Variants in FEM1B observed in about 807,000 individuals in gnomAD.
The protein encoded by FEM1B is fem-1 homolog B.
In FEM1B, 10 loss-of-function variants were observed where a neutral mutation model predicts 38.6. The ratio of observed to expected loss-of-function variants is 0.26; its 90% CI spans 0.16 to 0.44. FEM1B has a LOEUF of 0.44. FEM1B is among the 20% of genes least tolerant of loss of function. The pLI is 1.00. For missense variants in FEM1B, 471 were observed against 786.7 expected (o/e 0.60, Z 4.80); for synonymous variants, 288 against 288.0 (o/e 1.00, Z 0.00).
intron 1 of FEM1B, among the ~76,000 whole-genome samples, chr15:68,279,800 A>G (rs1000968046): frequency 4.6e-5 from 7 of 152,216 alleles, no homozygotes; most frequent in Non-Finnish European, 8.8e-5. Flanking sequence ...ATAGCATTAC[A>G]TCTTAATGAA....
At chr15:68,287,592 G>T (rs1172887613) in intron 1 of FEM1B, among the ~76,000 whole-genome samples, 1 of 152,168 alleles carries the variant, frequency 6.6e-6, no homozygotes, top group East Asian at 1.9e-4. Context: ...GTTAACTGGG[G>T]TTAAACCATG....
At position 68,289,247 on chromosome 15, in the gene FEM1B, G is replaced by C; in HGVS notation, c.249-360G>C. 5.1e-6 allele frequency: 1 copy of C among 197,738 alleles called. No homozygotes were observed. The highest frequency in any genetic ancestry group is 1.0e-5 in the Non-Finnish European group (1 of 95,354). 12.2% of individuals were successfully genotyped at this position (197,738 alleles called of 1,614,324 possible). ...GGCTACTGGGAAGGAGGAACATGCT[G>C]TTCTCCTAGTAACCAGTGAATCAAC... On this transcript the variant is annotated intron_variant, in intron 1 of 1. Transcript: ENST00000306917. The surrounding 1 kb of genome is among the most constrained non-coding windows in gnomAD (Gnocchi z 6.9).
chr15:68,291,210 A>C lies in FEM1B; in HGVS notation c.1852A>C (p.Arg618=), dbSNP rs901025218. The C allele has an allele frequency of 4.4e-6, 7 of 1,605,822 alleles. No homozygotes were observed. The Admixed American group carries it at 5.2e-5, about 12-fold the overall frequency. Residue 618 remains arginine (R), a synonymous_variant, in exon 2 of 2, where the codon AGA becomes CGA. Transcript: ENST00000306917. The surrounding 1 kb of genome is among the most constrained non-coding windows in gnomAD (Gnocchi z 6.9). The part of the protein sequence containing the change: ...NDINYQDQIP[R]TLEEFVGFH Reference sequence around the variant, plus strand: ...CATTAACTACCAAGACCAGATCCCCAGAACTCTTGAAGAGTTTGTTGGATT... The same window carrying C: ...CATTAACTACCAAGACCAGATCCCCCGAACTCTTGAAGAGTTTGTTGGATT...
rs1187958566 is a variant in FEM1B, at chr15:68,294,131, C to A, written c.*2889C>A. On this transcript the variant is annotated 3_prime_UTR_variant, in exon 2 of 2. Transcript: ENST00000306917. The surrounding 1 kb of genome is among the most constrained non-coding windows in gnomAD (Gnocchi z 4.4). ...GAACTATGAAGTTAACTATTTAACT[C>A]AAGGAATGGGCGGCAAACCCATCCC... 2 of 152,120 alleles carry A rather than the reference C, an allele frequency of 1.3e-5. No homozygotes were observed. Among genetic ancestry groups the A allele is most frequent in the Non-Finnish European group, 2.9e-5 (2 of 68,012 alleles). 9.4% of individuals were successfully genotyped at this position (152,120 alleles called of 1,614,324 possible).
chr15:68,287,609 A>G (rs911579862), intron 1 of FEM1B, among the ~76,000 whole-genome samples: 1 of 152,176 alleles, frequency 6.6e-6, no homozygotes, highest in Non-Finnish European at 1.5e-5. Context: ...CATGATATTT[A>G]TATGTCTTAG....
rs1161655955 is a variant in FEM1B, at chr15:68,281,583, A to AAG, written c.248+2918_248+2919insAG. On this transcript the variant is annotated intron_variant, in intron 1 of 1. Coordinates refer to ENST00000306917, the MANE Select transcript of FEM1B (RefSeq NM_015322.5). This position sits in a 1 kb window ranked among gnomAD's most constrained non-coding sequence, Gnocchi z 5.1. ...ATAGAGCCTCGAGGGGAAAGGGACC[A>AAG]CCCACCTAGATTAAGCCATTGATAT... Among the ~76,000 whole-genome samples, 1 of 152,056 alleles carries AAG rather than the reference A, an allele frequency of 6.6e-6. No homozygotes were observed. The highest frequency in any genetic ancestry group is 1.5e-5 in the Non-Finnish European group (1 of 68,010).
At chr15:68,286,568 C>T (rs564207080) in intron 1 of FEM1B, among the ~76,000 whole-genome samples, 8 of 152,010 alleles carry the variant, frequency 5.3e-5, no homozygotes, top group Admixed American at 1.3e-4. Context: ...GAGGGAGAAT[C>T]GACATCTTAA....
rs938191517 is a variant in FEM1B at position 68,278,090 on chromosome 15, G to A, written c.-328G>A. On this transcript the variant is annotated 5_prime_UTR_variant, in exon 1 of 2. Transcript: ENST00000306917. This position sits in a 1 kb window ranked among gnomAD's most constrained non-coding sequence, Gnocchi z 5.7. ...GGGCACGCGCCTGTCGCATCCCGCA[G>A]GAAGGAGGGGTCCGGCCTGAGGCCC... The A allele has an allele frequency of 7.5e-6, 2 of 267,770 alleles. No individual in the cohort carries two copies. Among genetic ancestry groups the A allele is most frequent in the African/African-American group, 4.6e-5 (2 of 43,724 alleles). The allele number at this position is 267,770 out of a possible 1,614,324, so 16.6% of individuals were successfully genotyped here.
At chr15:68,283,255 T>G (rs965255289) in intron 1 of FEM1B, among the ~76,000 whole-genome samples, 1 of 152,130 alleles carries the variant, frequency 6.6e-6, no homozygotes, top group Non-Finnish European at 1.5e-5. Flanking sequence ...GGGTAATGCT[T>G]TTCCTATAGG....
Position 68,278,757 on chromosome 15 carries a change from C to A in FEM1B, c.248+92C>A. ...CCCTCACCCTCTCTTACCCTCTCTT[C>A]ATGTAGGTACTCACTTCTCCCCTTT... On this transcript the variant is annotated intron_variant, in intron 1 of 1. Coordinates refer to ENST00000306917, the MANE Select transcript of FEM1B (RefSeq NM_015322.5). This position sits in a 1 kb window ranked among gnomAD's most constrained non-coding sequence, Gnocchi z 5.7. The A allele has an allele frequency of 2.1e-6, 3 of 1,430,812 alleles. No individual in the cohort carries two copies. Among genetic ancestry groups the A allele is most frequent in the South Asian group, 1.2e-5 (1 of 81,256 alleles). The allele number at this position is 1,430,812 out of a possible 1,614,324, so 88.6% of individuals were successfully genotyped here. A position where few individuals can be genotyped will look rare whatever the true frequency, so the allele number is the denominator to read the frequency against.
In FEM1B at chr15:68,289,579, TCTAA is replaced by T. The variant is rs758058919; in HGVS notation, c.249-25_249-22del. 1.3e-6 allele frequency: 2 copies of T among 1,585,540 alleles called. No homozygotes were observed. Among genetic ancestry groups the T allele is most frequent in the Admixed American group, 1.7e-5 (1 of 59,578 alleles). Reference sequence around the variant, plus strand: ...ATATGTTAGGCTGTGGCCTCTGTTATCTAACTGCTTATTCTTTTCATGTGTAGGT... The same window carrying T: ...ATATGTTAGGCTGTGGCCTCTGTTATCTGCTTATTCTTTTCATGTGTAGGT... On this transcript the variant is annotated intron_variant, in intron 1 of 1. Coordinates refer to ENST00000306917, the MANE Select transcript of FEM1B (RefSeq NM_015322.5). This position sits in a 1 kb window ranked among gnomAD's most constrained non-coding sequence, Gnocchi z 6.9.
At position 68,293,882 on chromosome 15, in the gene FEM1B, A is replaced by G. The variant is rs1892874863; in HGVS notation, c.*2640A>G. 1.3e-5 allele frequency: 2 copies of G among 152,072 alleles called. No individual in the cohort carries two copies. Among genetic ancestry groups the G allele is most frequent in the Admixed American group, 6.5e-5 (1 of 15,272 alleles). 9.4% of individuals were successfully genotyped at this position (152,072 alleles called of 1,614,324 possible). A position where few individuals can be genotyped will look rare whatever the true frequency, so the allele number is the denominator to read the frequency against. On this transcript the variant is annotated 3_prime_UTR_variant, in exon 2 of 2. Coordinates refer to ENST00000306917, the MANE Select transcript of FEM1B (RefSeq NM_015322.5). The surrounding 1 kb of genome is among the most constrained non-coding windows in gnomAD (Gnocchi z 5.8). ...CCTCTGTGAACTCTAGGCTGTCTCCATTTTGCAGCCACTTTGGTCATTTGA... is the reference window on the plus strand; with the variant it reads ...CCTCTGTGAACTCTAGGCTGTCTCCGTTTTGCAGCCACTTTGGTCATTTGA...
At chr15:68,283,502 T>TAAAAAAA (rs60432847) in intron 1 of FEM1B, among the ~76,000 whole-genome samples, 42 of 71,982 alleles carry the variant, frequency 5.8e-4, no homozygotes, top group African/African-American at 2.4e-3. Context: ...CATCTCTACC[T>TAAAAAAA]AAAAAAAAAA....
chr15:68,284,695 G>A lies in FEM1B; in HGVS notation c.249-4912G>A, dbSNP rs1892766228. Among the ~76,000 whole-genome samples the A allele has an allele frequency of 1.3e-5, 2 of 152,066 alleles. No homozygotes were observed. The highest frequency in any genetic ancestry group is 4.1e-4 in the South Asian group (2 of 4,824). On this transcript the variant is annotated intron_variant, in intron 1 of 1. Coordinates refer to ENST00000306917, the MANE Select transcript of FEM1B (RefSeq NM_015322.5). This position sits in a 1 kb window ranked among gnomAD's most constrained non-coding sequence, Gnocchi z 4.4. Reference sequence around the variant, plus strand: ...CAGTTTCCTCCCTTTCCTTGCCAGAGGTAATGATTATTTTGACTTCTGATA... The same window carrying A: ...CAGTTTCCTCCCTTTCCTTGCCAGAAGTAATGATTATTTTGACTTCTGATA...
Position 68,284,723 on chromosome 15 carries a change from G to A in FEM1B, c.249-4884G>A, listed in dbSNP as rs1322138083. 6.6e-6 allele frequency among the ~76,000 whole-genome samples: 1 copy of A among 152,068 alleles called. No homozygotes were observed. Among genetic ancestry groups the A allele is most frequent in the East Asian group, 1.9e-4 (1 of 5,192 alleles). On this transcript the variant is annotated intron_variant, in intron 1 of 1. Transcript: ENST00000306917. The surrounding 1 kb of genome is among the most constrained non-coding windows in gnomAD (Gnocchi z 4.4). ...AATGATTATTTTGACTTCTGATAGG[G>A]TTTGGCTATGTCCCACCCAAATCTT...
chr15:68,280,025 T>C lies in FEM1B; in HGVS notation c.248+1360T>C, dbSNP rs1013019403. 6.6e-6 allele frequency: 1 copy of C among 152,246 alleles called. No homozygotes were observed. The highest frequency in any genetic ancestry group is 2.4e-5 in the African/African-American group (1 of 41,452). The allele number at this position is 152,246 out of a possible 1,614,324, so 9.4% of individuals were successfully genotyped here. A position where few individuals can be genotyped will look rare whatever the true frequency, so the allele number is the denominator to read the frequency against. On this transcript the variant is annotated intron_variant, in intron 1 of 1. Coordinates refer to ENST00000306917, the MANE Select transcript of FEM1B (RefSeq NM_015322.5). The surrounding 1 kb of genome is among the most constrained non-coding windows in gnomAD (Gnocchi z 4.2). Reference sequence around the variant, plus strand: ...AACCTCCAGTACCGTTCCACCTGTATAGGCATATGAAGTCATTGAGATATG... The same window carrying C: ...AACCTCCAGTACCGTTCCACCTGTACAGGCATATGAAGTCATTGAGATATG...
At position 68,291,082 on chromosome 15, in the gene FEM1B, C is replaced by T; in HGVS notation, c.1724C>T (p.Thr575Ile). ...GACATGACGAATAAACAGAATAAGA[C>T]TCCGCTAGACAAAAGTACAACTGGG... ...HTDMTNKQNK[T>I]PLDKSTTGVS... The change falls in exon 2 of 2, where the codon ACT (threonine) becomes ATT (isoleucine). Residue 575 changes from threonine to isoleucine, a missense_variant. Physicochemically the swap from Thr to Ile is moderately conservative, Grantham distance 89. Around this residue, in one of 3 missense-constraint regions of FEM1B, gnomAD observed 380 missense variants for 599.6 expected, o/e 0.63. Transcript: ENST00000306917. The surrounding 1 kb of genome is among the most constrained non-coding windows in gnomAD (Gnocchi z 6.9). The T allele has an allele frequency of 6.2e-7, 1 of 1,614,076 alleles. No homozygotes were observed. The highest frequency in any genetic ancestry group is 8.5e-7 in the Non-Finnish European group (1 of 1,179,990).
Position 68,289,793 on chromosome 15 carries a change from C to G in FEM1B, c.435C>G (p.Ala145=). ...DIVKYLVENN[A]NISIANKYDN... Reference sequence around the variant, plus strand: ...TGAAATACTTGGTTGAAAATAATGCCAACATCAGCATTGCCAACAAATATG... The same window carrying G: ...TGAAATACTTGGTTGAAAATAATGCGAACATCAGCATTGCCAACAAATATG... The change falls in exon 2 of 2, where the codon GCC becomes GCG. Residue 145 remains alanine (A), a synonymous_variant. Coordinates refer to ENST00000306917, the MANE Select transcript of FEM1B (RefSeq NM_015322.5). This position sits in a 1 kb window ranked among gnomAD's most constrained non-coding sequence, Gnocchi z 6.9. The G allele has an allele frequency of 1.2e-6, 2 of 1,614,156 alleles. No individual in the cohort carries two copies. The highest frequency in any genetic ancestry group is 1.7e-6 in the Non-Finnish European group (2 of 1,180,012).
chr15:68,287,816 C>T (rs138890248), intron 1 of FEM1B, among the ~76,000 whole-genome samples: 3,347 of 148,348 alleles, frequency 0.023, 67 homozygotes, highest in Non-Finnish European at 0.035. Context: ...GCCAGCGGAA[C>T]GTTGCTAACG....
Sources: gnomAD v4.1 joint callset for allele counts (sites outside exome capture counted in the v4.1 genomes callset) on GRCh38, gnomAD v4.1.1 for gene constraint, gnomAD v4.1.1 regional missense constraint, Gnocchi (gnomAD v3.1) non-coding constraint, MANE v1.5 for transcripts, NCBI Gene and HGNC (gene_info 2026-07-23, HGNC 2026-07-21) for gene names.